The following DLG2 variants were observed in gnomAD, a reference collection of about 807,000 sequenced individuals.
The protein encoded by DLG2 is disks large homolog 2.
Under a neutral mutation model 132.5 loss-of-function variants are expected in DLG2, and 45 were observed. The observed-to-expected ratio is 0.34, with a 90% CI of 0.27 to 0.44. DLG2 has a LOEUF of 0.44. Ranked by LOEUF, DLG2 falls within the 20% of genes least tolerant of loss-of-function variation. The pLI is 1.00. For missense variants in DLG2, 1,045 were observed against 1,196.9 expected, an observed-to-expected ratio of 0.87 and a Z score of 1.87; for synonymous variants, 424 against 419.6, an observed-to-expected ratio of 1.01 and a Z score of -0.13.
At chr11:84,740,016 G>T (rs905929382) in intron 6 of DLG2, among the ~76,000 whole-genome samples, 4 of 151,900 alleles carry the variant, frequency 2.6e-5, no homozygotes, top group Non-Finnish European at 4.4e-5. Flanking sequence ...CACAATGACT[G>T]TGTCTACTCT....
At chr11:83,461,384 G>T (rs1226536114) in intron 27 of DLG2, among the ~76,000 whole-genome samples, 3 of 152,004 alleles carry the variant, frequency 2.0e-5, no homozygotes, top group South Asian at 4.1e-4. Flanking sequence ...TTCTATGAAA[G>T]TATATAGGAA....
At chr11:84,671,912 T>C (rs1201466066) in intron 6 of DLG2, among the ~76,000 whole-genome samples, 8 of 152,158 alleles carry the variant, frequency 5.3e-5, no homozygotes, top group Non-Finnish European at 2.9e-5. Context: ...CTCTTGTATT[T>C]GCATTTCTGT....
intron 22 of DLG2, among the ~76,000 whole-genome samples, chr11:83,481,329 A>AGAT (rs2093084667): frequency 6.6e-6 from 1 of 152,116 alleles, no homozygotes; most frequent in African/African-American, 2.4e-5. Context: ...GTTAAGTTAT[A>AGAT]GATGATACAC....
intron 6 of DLG2, among the ~76,000 whole-genome samples, chr11:84,739,543 G>A (rs2153821253): frequency 6.6e-6 from 1 of 152,240 alleles, no homozygotes; most frequent in East Asian, 1.9e-4. Flanking sequence ...ACTAGGAAAA[G>A]ATATATCTTT....
At chr11:83,970,041 A>C (rs1364293441) in intron 12 of DLG2, among the ~76,000 whole-genome samples, 2 of 152,204 alleles carry the variant, frequency 1.3e-5, no homozygotes, top group Non-Finnish European at 2.9e-5. Flanking sequence ...TGGTGGCATA[A>C]CACAGGGGGA....
intron 7 of DLG2, among the ~76,000 whole-genome samples, chr11:84,358,577 GA>G (rs1002547442): frequency 2.0e-5 from 3 of 151,526 alleles, no homozygotes; most frequent in Admixed American, 6.6e-5. Context: ...AGGTTATTTG[GA>G]AAAATAACTC....
At chr11:85,230,989 A>G (rs2075271333) in intron 4 of DLG2, among the ~76,000 whole-genome samples, 1 of 151,942 alleles carries the variant, frequency 6.6e-6, no homozygotes, top group African/African-American at 2.4e-5. Flanking sequence ...TTGATCTTGG[A>G]CTTCCTAGCT....
chr11:84,989,443 C>G (rs562791587), intron 6 of DLG2, among the ~76,000 whole-genome samples: 2 of 151,886 alleles, frequency 1.3e-5, no homozygotes, highest in Admixed American at 1.3e-4. Flanking sequence ...CCCAAAGTGC[C>G]GGGATTACAG....
At chr11:84,394,225 G>C (rs1348982694) in intron 7 of DLG2, among the ~76,000 whole-genome samples, 3 of 152,046 alleles carry the variant, frequency 2.0e-5, no homozygotes, top group African/African-American at 7.2e-5. Context: ...TAAAATATAT[G>C]TTCATTTAGA....
At chr11:83,951,241 A>C (rs11233847) in intron 14 of DLG2, among the ~76,000 whole-genome samples, 15,315 of 152,154 alleles carry the variant, frequency 0.1, 845 homozygotes, top group Non-Finnish European at 0.12. Flanking sequence ...TTCATTAATT[A>C]TATTATATTC....
At chr11:83,853,811 G>T (rs11233765) in intron 16 of DLG2, among the ~76,000 whole-genome samples, 33,504 of 151,970 alleles carry the variant, frequency 0.22, 5,101 homozygotes, top group African/African-American at 0.43. Context: ...TTCCCACTAA[G>T]ATCAGAAACA....
intron 19 of DLG2, among the ~76,000 whole-genome samples, chr11:83,608,469 A>G (rs972197167): frequency 6.6e-6 from 1 of 152,130 alleles, no homozygotes; most frequent in East Asian, 1.9e-4. Context: ...GGATTTTGGA[A>G]CATTTCAGAT....
At chr11:83,831,727 A>G (rs1396252672) in intron 17 of DLG2, among the ~76,000 whole-genome samples, 1 of 152,254 alleles carries the variant, frequency 6.6e-6, no homozygotes, top group Admixed American at 6.5e-5. Flanking sequence ...ACTATGAACC[A>G]TAATATCAGC....
chr11:85,511,287 G>C (rs2094061558), intron 3 of DLG2, among the ~76,000 whole-genome samples: 1 of 151,848 alleles, frequency 6.6e-6, no homozygotes, highest in Non-Finnish European at 1.5e-5. Context: ...ACGAGTTAAT[G>C]GGTGCAGCAT....
intron 16 of DLG2, among the ~76,000 whole-genome samples, chr11:83,864,463 A>G (rs892241127): frequency 6.6e-6 from 1 of 152,206 alleles, no homozygotes. Flanking sequence ...CAATGACTGA[A>G]TGAATAAATG....
At chr11:85,351,010 T>C (rs1310315399) in intron 3 of DLG2, among the ~76,000 whole-genome samples, 1 of 152,206 alleles carries the variant, frequency 6.6e-6, no homozygotes, top group Non-Finnish European at 1.5e-5. Context: ...AGTATGGCCA[T>C]TTGCATGATA....
Position 83,615,222 on chromosome 11 carries a change from A to G in DLG2, c.1940+17989T>C, listed in dbSNP as rs140716390. ...CAGCATTATTACAGGTGAAATGATG[A>G]AGGTGGAATTGGGAGAAGGGAAGGA... On this transcript the variant is annotated intron_variant, in intron 19 of 27. Coordinates refer to ENST00000376104, the MANE Select transcript of DLG2 (RefSeq NM_001142699.3). 9.0e-4 allele frequency among the ~76,000 whole-genome samples: 137 copies of G among 152,290 alleles called. 1 individual carries two copies. In the South Asian group the frequency reaches 9.1e-3, roughly 10 times the overall value.
intron 21 of DLG2, among the ~76,000 whole-genome samples, chr11:83,514,280 T>G (rs1306731845): frequency 1.3e-5 from 2 of 152,218 alleles, no homozygotes; most frequent in East Asian, 3.9e-4. Flanking sequence ...TATTTTATTC[T>G]CTTTGAAGCA....
chr11:83,708,471 T>C (rs1322293025), intron 18 of DLG2, among the ~76,000 whole-genome samples: 1 of 152,216 alleles, frequency 6.6e-6, no homozygotes, highest in African/African-American at 2.4e-5. Context: ...AACAGCTATA[T>C]AACCTATGAA....
Sources: allele counts gnomAD v4.1 joint callset (sites outside exome capture counted in the v4.1 genomes callset), GRCh38; gene constraint gnomAD v4.1.1; transcripts MANE v1.5; gene names NCBI Gene and HGNC (gene_info 2026-07-23, HGNC 2026-07-21).